The following TENM3 variants were observed in gnomAD, a reference collection of about 807,000 sequenced individuals.
The protein encoded by TENM3 is teneurin-3.
A neutral mutation model predicts 255.1 loss-of-function variants in TENM3; 63 were observed. That is an observed-to-expected ratio of 0.25 (90% CI 0.20 to 0.30). The LOEUF is 0.30. Ranked by LOEUF, TENM3 falls within the 10% of genes least tolerant of loss-of-function variation. The pLI is 1.00. For synonymous variants in TENM3, 1,306 were observed against 1,322.3 expected (o/e 0.99, Z 0.27); for missense variants, 2,929 against 3,461.1 (o/e 0.85, Z 3.86).
chr4:182,522,581 A>G (rs922327937), intron 3 of TENM3, among the ~76,000 whole-genome samples: 1 of 152,144 alleles, frequency 6.6e-6, no homozygotes, highest in South Asian at 2.1e-4. Flanking sequence ...TTTTTTAAAA[A>G]ATTTATTTGT....
the TENM3 span, among the ~76,000 whole-genome samples, chr4:181,801,991 C>T: frequency 6.6e-6 from 1 of 152,130 alleles, no homozygotes. Context: ...CTATTGTACC[C>T]TGTTGTCTTA....
At chr4:182,026,028 G>C in the TENM3 span, among the ~76,000 whole-genome samples, 1 of 152,006 alleles carries the variant, frequency 6.6e-6, no homozygotes, top group African/African-American at 2.4e-5. Flanking sequence ...CCCTGTGTCC[G>C]TGTGTTCTCA....
chr4:182,127,788 C>CTATATATATATATGCTATATATGATA, the TENM3 span, among the ~76,000 whole-genome samples: 1 of 152,088 alleles, frequency 6.6e-6, no homozygotes, highest in Non-Finnish European at 1.5e-5. Context: ...AATGTATAGT[C>CTATATATATATATGCTATATATGATA]TATATAGCAT....
intron 5 of TENM3, among the ~76,000 whole-genome samples, chr4:182,648,532 C>G (rs903794941): frequency 6.6e-6 from 1 of 152,138 alleles, no homozygotes; most frequent in African/African-American, 2.4e-5. Context: ...CCGCCCACCT[C>G]AGCCTCACAA....
intron 12 of TENM3, among the ~76,000 whole-genome samples, chr4:182,699,468 C>T (rs946305160): frequency 1.1e-4 from 17 of 152,140 alleles, no homozygotes; most frequent in African/African-American, 3.4e-4. Flanking sequence ...AAACAGTTTA[C>T]TGTGTAGTGG....
At chr4:182,087,420 T>C in the TENM3 span, among the ~76,000 whole-genome samples, 1 of 152,214 alleles carries the variant, frequency 6.6e-6, no homozygotes, top group Non-Finnish European at 1.5e-5. Context: ...TCCTCTTCAC[T>C]GGACAAAAAC....
At chr4:182,642,239 T>C (rs1752381498) in intron 5 of TENM3, among the ~76,000 whole-genome samples, 1 of 152,188 alleles carries the variant, frequency 6.6e-6, no homozygotes, top group Non-Finnish European at 1.5e-5. Context: ...ACAGACCCTT[T>C]AAGCAAGAGA....
chr4:182,395,460 G>T (rs1177675169), intron 3 of TENM3, among the ~76,000 whole-genome samples: 2 of 152,136 alleles, frequency 1.3e-5, no homozygotes. Flanking sequence ...CCAAAGGAAA[G>T]TACTAAATTA....
At chr4:181,536,477 A>G in the TENM3 span, among the ~76,000 whole-genome samples, 1 of 152,212 alleles carries the variant, frequency 6.6e-6, no homozygotes, top group African/African-American at 2.4e-5. Flanking sequence ...ATATACACAC[A>G]TATATGTTAG....
At chr4:182,637,045 A>G (rs1457809014) in intron 5 of TENM3, among the ~76,000 whole-genome samples, 5 of 152,236 alleles carry the variant, frequency 3.3e-5, no homozygotes, top group Non-Finnish European at 7.3e-5. Flanking sequence ...TTGCTTTTAC[A>G]TTAGTGGTAC....
At chr4:181,725,019 T>G in the TENM3 span, among the ~76,000 whole-genome samples, 16 of 152,324 alleles carry the variant, frequency 1.1e-4, no homozygotes, top group African/African-American at 3.8e-4. Context: ...CTCTCTACTG[T>G]GTTTGGGGTC....
the TENM3 span, among the ~76,000 whole-genome samples, chr4:181,876,003 T>C: frequency 0.32 from 49,419 of 152,172 alleles, 8,527 homozygotes; most frequent in Middle Eastern, 0.43. Context: ...TAAATATGCT[T>C]CCTCCTCTTT....
chr4:181,585,803 A>G, the TENM3 span, among the ~76,000 whole-genome samples: 1 of 152,172 alleles, frequency 6.6e-6, no homozygotes, highest in Non-Finnish European at 1.5e-5. Context: ...ACTTCTTTAT[A>G]TATTCTGCTT....
At chr4:182,199,421 C>CA (rs1406062713) in intron 1 of TENM3, among the ~76,000 whole-genome samples, 3 of 151,574 alleles carry the variant, frequency 2.0e-5, no homozygotes, top group Non-Finnish European at 2.9e-5. Flanking sequence ...GACTCCATCT[C>CA]AAAAAACAAA....
rs397996500 is a variant in TENM3, at chr4:182,684,439, C to CAA, written c.2035+2440_2035+2441dup. ...TTCAAATTTTGGACTGGCCCCATCA[C>CAA]AAAAAAAAAAAAAAAATTTGGACTG... On this transcript the variant is annotated intron_variant, in intron 11 of 27. Transcript: ENST00000511685. 4.0e-4 allele frequency among the ~76,000 whole-genome samples: 28 copies of CAA among 69,948 alleles called. 3 individuals are homozygous for CAA. The South Asian group carries it at 0.011, about 27-fold the overall frequency. 45.9% of individuals were successfully genotyped at this position (69,948 alleles called of 152,430 possible).
intron 2 of TENM3, among the ~76,000 whole-genome samples, chr4:182,330,513 G>C (rs1009174734): frequency 6.6e-6 from 1 of 152,208 alleles, no homozygotes; most frequent in Non-Finnish European, 1.5e-5. Context: ...CAAGGGGAAA[G>C]TGAGAGTGGC....
At chr4:182,353,531 A>T (rs1002710829) in intron 3 of TENM3, among the ~76,000 whole-genome samples, 1 of 152,260 alleles carries the variant, frequency 6.6e-6, no homozygotes, top group Non-Finnish European at 1.5e-5. Context: ...ATATATAAAA[A>T]TAACTACATT....
the TENM3 span, among the ~76,000 whole-genome samples, chr4:181,987,903 A>G: frequency 6.6e-6 from 1 of 152,094 alleles, no homozygotes; most frequent in Admixed American, 6.6e-5. Context: ...AGGGACAGAG[A>G]TGACATCGTT....
chr4:182,785,056 A>C (rs1031430849), intron 24 of TENM3, among the ~76,000 whole-genome samples: 1 of 151,762 alleles, frequency 6.6e-6, no homozygotes, highest in African/African-American at 2.4e-5. Context: ...AGCTGTTCCT[A>C]TTCGGCCATC....
Sources: allele counts gnomAD v4.1 joint callset (sites outside exome capture counted in the v4.1 genomes callset), GRCh38; gene constraint gnomAD v4.1.1; transcripts MANE v1.5; gene names NCBI Gene and HGNC (gene_info 2026-07-23, HGNC 2026-07-21).